IDE: variants seen among roughly 807,000 people sequenced by gnomAD.
The protein encoded by IDE is insulin-degrading enzyme.
A neutral mutation model predicts 133.2 loss-of-function variants in IDE; 58 were observed. The ratio of observed to expected loss-of-function variants is 0.44; its 90% CI spans 0.35 to 0.54. The LOEUF (loss-of-function observed/expected upper bound fraction) is 0.54. Ranked by LOEUF, IDE falls within the 20% of genes least tolerant of loss-of-function variation. The pLI, the probability that IDE is intolerant of heterozygous loss-of-function variation, is 0.00. For synonymous variants in IDE, 396 were observed against 421.3 expected (o/e 0.94, Z 0.73); for missense variants, 981 against 1,234.0 (o/e 0.79, Z 3.07).
At chr10:92,491,197 C>T (rs73323687) in intron 11 of IDE, among the ~76,000 whole-genome samples, 192 of 151,450 alleles carry the variant, frequency 1.3e-3, no homozygotes, top group African/African-American at 3.9e-3. Context: ...AGAATCACAC[C>T]ACTGCACTCT....
chr10:92,464,308 C>G (rs1314279499), intron 20 of IDE, among the ~76,000 whole-genome samples: 6 of 152,188 alleles, frequency 3.9e-5, no homozygotes, highest in Non-Finnish European at 2.9e-5. Flanking sequence ...TCAATCTATG[C>G]TAAAGTTACT....
chr10:92,497,641 T>TCTCAGCGG (rs1355848850), intron 11 of IDE: 1 of 668,942 alleles, frequency 1.5e-6, no homozygotes, highest in Admixed American at 6.3e-5. Flanking sequence ...GTTAAACTTG[T>TCTCAGCGG]CTCAGCGGGT....
chr10:92,522,784 G>C (rs1231086886), intron 4 of IDE, among the ~76,000 whole-genome samples: 1 of 152,112 alleles, frequency 6.6e-6, no homozygotes, highest in Non-Finnish European at 1.5e-5. Context: ...GGAAATATGA[G>C]CATCTACCTA....
intron 13 of IDE, among the ~76,000 whole-genome samples, chr10:92,483,646 A>T (rs934195829): frequency 6.6e-6 from 1 of 152,182 alleles, no homozygotes; most frequent in Non-Finnish European, 1.5e-5. Context: ...CTTTCTGGAC[A>T]CTAGGAGGAA....
chr10:92,504,824 A>C lies in IDE; in HGVS notation c.1400T>G (p.Val467Gly), dbSNP rs779349673. 7.5e-6 allele frequency: 12 copies of C among 1,595,572 alleles called. No individual in the cohort carries two copies. The East Asian group carries it at 1.4e-4, about 18-fold the overall frequency. Reference sequence around the variant, plus strand: ...ATTTTCTGGTCTGAGTTTATCGAGAACCATCTCTATTAAGTCAGGTCTAAA... The same window carrying C: ...ATTTTCTGGTCTGAGTTTATCGAGACCCATCTCTATTAAGTCAGGTCTAAA... ...EEFRPDLIEM[V>G]LDKLRPENVR... is the part of the protein sequence containing the mutation. The change falls in exon 11 of 25, where the codon GTT becomes GGT. Residue 467 changes from valine (V) to glycine (G), a missense_variant. This residue lies in a region of IDE where 660 missense variants were observed against 894.7 expected (regional missense o/e 0.74). Coordinates refer to ENST00000265986, the MANE Select transcript of IDE (RefSeq NM_004969.4).
Position 92,468,990 on chromosome 10 carries a change from C to T in IDE, c.2209G>A (p.Ala737Thr), listed in dbSNP as rs112372000. The T allele has an allele frequency of 5.2e-5, 80 of 1,542,972 alleles. No individual in the cohort carries two copies. Among genetic ancestry groups the T allele is most frequent in the Non-Finnish European group, 6.8e-5 (76 of 1,115,468 alleles). Residue 737 changes from alanine (A) to threonine (T), a missense_variant and splice_region_variant, in exon 19 of 25, where the codon GCT (alanine) becomes ACT (threonine). Physicochemically the swap from Ala to Thr is moderately conservative, Grantham distance 58 (BLOSUM62 0). Around this residue, in one of 2 missense-constraint regions of IDE, gnomAD observed 660 missense variants for 894.7 expected, o/e 0.74. Transcript: ENST00000265986. ...ALLHGNITKQ[A>T]ALGIMQMVED... ...ACCATCTGCATAATTCCTAATGCAG[C>T]CTATGGAAAAAGATATGTCCCAGCA... is the stretch of plus-strand genomic sequence containing the variant.
At chr10:92,498,860 T>A (rs1299889298) in intron 11 of IDE, among the ~76,000 whole-genome samples, 2 of 152,180 alleles carry the variant, frequency 1.3e-5, no homozygotes, top group African/African-American at 4.8e-5. Flanking sequence ...GAAAACAGAT[T>A]GTCTAACAAG....
chr10:92,474,898 G>A lies in IDE; in HGVS notation c.2059C>T (p.Arg687Cys), dbSNP rs142295768. Residue 687 changes from arginine (R) to cysteine (C), a missense_variant, in exon 17 of 25, where the codon CGC (arginine) becomes TGC (cysteine). By Grantham distance (180) the Arg-to-Cys change is radical. This residue lies in a region of IDE where 660 missense variants were observed against 894.7 expected (regional missense o/e 0.74). Transcript: ENST00000265986. ...QPHQHAMYYL[R>C]LLMTEVAWTK... is the part of the protein sequence containing the mutation. Reference sequence around the variant, plus strand: ...CAGGCCACTTCAGTCATCAGCAAGCGGAGGTAGTACATGGCATGCTGGTGA... The same window carrying A: ...CAGGCCACTTCAGTCATCAGCAAGCAGAGGTAGTACATGGCATGCTGGTGA... 9.3e-6 allele frequency: 15 copies of A among 1,613,086 alleles called. No individual in the cohort carries two copies. The highest frequency in any genetic ancestry group is 4.4e-5 in the South Asian group (4 of 91,052).
chr10:92,471,294 C>T (rs1248564401), intron 17 of IDE, among the ~76,000 whole-genome samples: 1 of 152,092 alleles, frequency 6.6e-6, no homozygotes, highest in Non-Finnish European at 1.5e-5. Context: ...CCAATGGATG[C>T]TAAAATCAGT....
intron 2 of IDE, among the ~76,000 whole-genome samples, chr10:92,537,016 G>A (rs1842044283): frequency 1.3e-5 from 2 of 148,560 alleles, no homozygotes; most frequent in Admixed American, 1.4e-4. Context: ...CCAGCCTGGC[G>A]ACAGAGTAAA....
chr10:92,532,713 G>T (rs1850008477), intron 3 of IDE, among the ~76,000 whole-genome samples: 1 of 150,092 alleles, frequency 6.7e-6, no homozygotes, highest in African/African-American at 2.5e-5. Context: ...TTTAACTCAT[G>T]ATTCCTGTAG....
intron 1 of IDE, among the ~76,000 whole-genome samples, chr10:92,567,143 A>C (rs894886973): frequency 1.3e-5 from 2 of 152,138 alleles, no homozygotes; most frequent in African/African-American, 4.8e-5. Context: ...AGCCAGCCCA[A>C]AAGTGCCTAC....
At chr10:92,488,403 ACTT>A (rs900441668) in intron 12 of IDE, among the ~76,000 whole-genome samples, 5 of 152,136 alleles carry the variant, frequency 3.3e-5, no homozygotes, top group African/African-American at 1.2e-4. Flanking sequence ...GGCTTTCAGT[ACTT>A]CTTAAGAACT....
At chr10:92,473,764 G>A (rs559106441) in intron 17 of IDE, among the ~76,000 whole-genome samples, 11 of 152,018 alleles carry the variant, frequency 7.2e-5, no homozygotes, top group East Asian at 1.9e-4. Flanking sequence ...GCGGATCACC[G>A]GAGGTCAGGA....
At chr10:92,476,918 T>C (rs1846286822) in intron 15 of IDE, among the ~76,000 whole-genome samples, 1 of 152,148 alleles carries the variant, frequency 6.6e-6, no homozygotes, top group African/African-American at 2.4e-5. Flanking sequence ...AGGCTTGCTT[T>C]AGCCCAAGAG....
chr10:92,463,455 T>A (rs576975702), intron 21 of IDE, among the ~76,000 whole-genome samples: 41 of 152,182 alleles, frequency 2.7e-4, no homozygotes, highest in Non-Finnish European at 5.0e-4. Flanking sequence ...GATACACTGA[T>A]GAAACAAAAA....
rs138198363 is a variant in IDE, at chr10:92,523,836, C to T, written c.661+7912G>A. ...TTTGTTGTTCCCACTCACTCTTTGA[C>T]CTCCTTCTTTTATTTCCCTCCCAGC... On this transcript the variant is annotated intron_variant, in intron 4 of 24. Transcript: ENST00000265986. Among the ~76,000 whole-genome samples the T allele has an allele frequency of 8.7e-4, 133 of 152,160 alleles. 1 individual carries two copies. Among genetic ancestry groups the T allele is most frequent in the African/African-American group, 3.1e-3 (130 of 41,510 alleles).
At chr10:92,511,293 G>A (rs759406882) in intron 5 of IDE, among the ~76,000 whole-genome samples, 1 of 151,726 alleles carries the variant, frequency 6.6e-6, no homozygotes, top group Non-Finnish European at 1.5e-5. Context: ...AATAGAGACA[G>A]GGTTTCACCA....
intron 4 of IDE, among the ~76,000 whole-genome samples, chr10:92,529,714 GAA>G (rs918399575): frequency 1.2e-4 from 18 of 150,082 alleles, no homozygotes; most frequent in African/African-American, 4.4e-4. Flanking sequence ...ACCTCTACAG[GAA>G]AAAAAAATGT....
Sources: allele counts gnomAD v4.1 joint callset (sites outside exome capture counted in the v4.1 genomes callset), GRCh38; gene constraint gnomAD v4.1.1; regional missense constraint gnomAD v4.1.1; transcripts MANE v1.5; gene names NCBI Gene and HGNC (gene_info 2026-07-23, HGNC 2026-07-21).